PDZRN3: variants seen among roughly 807,000 people sequenced by gnomAD.
The protein encoded by PDZRN3 is E3 ubiquitin-protein ligase PDZRN3.
A neutral mutation model predicts 85.7 loss-of-function variants in PDZRN3; 38 were observed. That is an observed-to-expected ratio of 0.44 (90% CI 0.34 to 0.58). The LOEUF (loss-of-function observed/expected upper bound fraction) is 0.58. Among genes scored for constraint, PDZRN3 ranks in the 20% least tolerant of loss-of-function variants. The pLI, the probability that PDZRN3 is intolerant of heterozygous loss-of-function variation, is 0.01. For synonymous variants in PDZRN3, 759 were observed against 638.0 expected, an observed-to-expected ratio of 1.19 and a Z score of -2.86; for missense variants, 1,629 against 1,506.4, an observed-to-expected ratio of 1.08 and a Z score of -1.35.
At chr3:73,431,359 T>C (rs1702427418) in intron 3 of PDZRN3, among the ~76,000 whole-genome samples, 2 of 152,210 alleles carry the variant, frequency 1.3e-5, no homozygotes, top group South Asian at 2.1e-4. Context: ...ATGGCCCTAA[T>C]GAAGAGCATC....
chr3:73,463,967 T>C (rs752684306), intron 3 of PDZRN3, among the ~76,000 whole-genome samples: 16 of 151,862 alleles, frequency 1.1e-4, no homozygotes, highest in Non-Finnish European at 2.1e-4. Flanking sequence ...AAAAGTGCTA[T>C]GTATTCTTTT....
chr3:73,384,307 G>C lies in PDZRN3; in HGVS notation c.2259C>G (p.Asp753Glu), dbSNP rs774839079. The change falls in exon 10 of 10, where the codon GAC becomes GAG. Residue 753 changes from aspartate to glutamate, a missense_variant. By Grantham distance (45) the Asp-to-Glu change is conservative (BLOSUM62 2). Coordinates refer to ENST00000263666, the MANE Select transcript of PDZRN3 (RefSeq NM_015009.3). ...ITELPEKSDK[D>E]SSSAYNTGES... ...CGCCTGTGTTGTAGGCGCTCGAGCTGTCCTTGTCGGATTTCTCCGGGAGCT... is the reference window on the plus strand; with the variant it reads ...CGCCTGTGTTGTAGGCGCTCGAGCTCTCCTTGTCGGATTTCTCCGGGAGCT... 2 of 1,612,458 alleles carry C rather than the reference G, an allele frequency of 1.2e-6. No individual in the cohort carries two copies. Among genetic ancestry groups the C allele is most frequent in the Non-Finnish European group, 1.7e-6 (2 of 1,179,974 alleles).
chr3:73,406,917 A>G (rs1229843581), intron 3 of PDZRN3, among the ~76,000 whole-genome samples: 1 of 152,220 alleles, frequency 6.6e-6, no homozygotes, highest in Non-Finnish European at 1.5e-5. Flanking sequence ...TACAAACACT[A>G]GAGCAGGCAA....
chr3:73,490,621 T>TG (rs1055745161), intron 3 of PDZRN3, among the ~76,000 whole-genome samples: 1 of 152,200 alleles, frequency 6.6e-6, no homozygotes, highest in African/African-American at 2.4e-5. Context: ...GCAACAAAAA[T>TG]GGGGGGTATG....
intron 3 of PDZRN3, among the ~76,000 whole-genome samples, chr3:73,555,049 G>A (rs559133512): frequency 3.3e-5 from 5 of 152,300 alleles, no homozygotes; most frequent in Admixed American, 3.3e-4. Context: ...TAAGTTGCAG[G>A]GGGGATAGAA....
rs1368788416 is a variant in PDZRN3, at chr3:73,384,925, C to G, written c.1641G>C (p.Lys547Asn). Residue 547 changes from lysine to asparagine, a missense_variant, in exon 10 of 10, where the codon AAG becomes AAC. Transcript: ENST00000263666. ...CTGTGGTCCCACCGTCTTCGTCGTG[C>G]TTCTTCTGCATAAACACAAGAACAA... is the stretch of plus-strand genomic sequence containing the variant. ...QFTASVLQQK[K>N]HDEDGGTTDT... 6.3e-7 allele frequency: 1 copy of G among 1,595,766 alleles called. No homozygotes were observed. The highest frequency in any genetic ancestry group is 8.5e-7 in the Non-Finnish European group (1 of 1,170,038).
At chr3:73,562,643 G>A (rs1701844513) in intron 3 of PDZRN3, among the ~76,000 whole-genome samples, 1 of 152,012 alleles carries the variant, frequency 6.6e-6, no homozygotes, top group Non-Finnish European at 1.5e-5. Flanking sequence ...TAGTGCAAAT[G>A]CTTCTGAAGC....
intron 3 of PDZRN3, among the ~76,000 whole-genome samples, chr3:73,522,966 C>A (rs1012167351): frequency 1.3e-5 from 2 of 152,174 alleles, no homozygotes; most frequent in Non-Finnish European, 2.9e-5. Flanking sequence ...GATGTTCTAG[C>A]CAATGAAATA....
chr3:73,387,065 G>A (rs543760538), intron 8 of PDZRN3, among the ~76,000 whole-genome samples: 1 of 152,174 alleles, frequency 6.6e-6, no homozygotes, highest in Non-Finnish European at 1.5e-5. Flanking sequence ...GGGAAACCCC[G>A]TTTGCTTGGT....
chr3:73,518,598 C>T (rs1232618033), intron 3 of PDZRN3, among the ~76,000 whole-genome samples: 1 of 152,024 alleles, frequency 6.6e-6, no homozygotes, highest in Non-Finnish European at 1.5e-5. Flanking sequence ...GCTGCTATAA[C>T]ATAATACCAT....
chr3:73,575,466 C>T (rs145394388), intron 3 of PDZRN3, among the ~76,000 whole-genome samples: 246 of 152,288 alleles, frequency 1.6e-3, no homozygotes, highest in African/African-American at 3.9e-3. Flanking sequence ...AGAATTTGAT[C>T]AAACACAGTG....
chr3:73,446,634 G>A (rs922277224), intron 3 of PDZRN3, among the ~76,000 whole-genome samples: 2 of 152,144 alleles, frequency 1.3e-5, no homozygotes, highest in Non-Finnish European at 2.9e-5. Context: ...CTCTGTACAA[G>A]GATTCAGTTG....
chr3:73,506,017 C>A (rs898031618), intron 3 of PDZRN3, among the ~76,000 whole-genome samples: 1 of 151,936 alleles, frequency 6.6e-6, no homozygotes, highest in Admixed American at 6.6e-5. Flanking sequence ...AACTCAGGTA[C>A]GGGCAGGTAG....
At chr3:73,569,583 C>T in intron 3 of PDZRN3, 1 of 1,026,564 alleles carries the variant, frequency 9.7e-7, no homozygotes. Context: ...TTGACAGACA[C>T]AGAGGACAGA....
At chr3:73,532,613 C>T (rs896320719) in intron 3 of PDZRN3, among the ~76,000 whole-genome samples, 1 of 152,236 alleles carries the variant, frequency 6.6e-6, no homozygotes. Context: ...TTTCACAGGC[C>T]GACAGCAGCA....
intron 3 of PDZRN3, among the ~76,000 whole-genome samples, chr3:73,448,189 C>A (rs1479099642): frequency 6.6e-6 from 1 of 152,166 alleles, no homozygotes; most frequent in African/African-American, 2.4e-5. Context: ...AATTTCAAAT[C>A]CCAGCTCAGC....
chr3:73,602,816 C>CTCTTATGTGACTCTTATGTGATTATG (rs1702534608), intron 2 of PDZRN3, among the ~76,000 whole-genome samples: 2 of 152,216 alleles, frequency 1.3e-5, no homozygotes, highest in Non-Finnish European at 2.9e-5. Context: ...TTATGCTAGT[C>CTCTTATGTGACTCTTATGTGATTATG]TGACTCTTAT....
chr3:73,428,210 A>C (rs1347737588), intron 3 of PDZRN3, among the ~76,000 whole-genome samples: 2 of 152,138 alleles, frequency 1.3e-5, no homozygotes, highest in Non-Finnish European at 2.9e-5. Context: ...CTGGGGAGCC[A>C]GTGAGCAAGT....
At chr3:73,509,351 C>T (rs1261178112) in intron 3 of PDZRN3, among the ~76,000 whole-genome samples, 1 of 152,188 alleles carries the variant, frequency 6.6e-6, no homozygotes, top group Non-Finnish European at 1.5e-5. Flanking sequence ...AGGACGCAGA[C>T]CCATGCGGTC....
Sources: gnomAD v4.1 joint callset for allele counts (sites outside exome capture counted in the v4.1 genomes callset) on GRCh38, gnomAD v4.1.1 for gene constraint, MANE v1.5 for transcripts, NCBI Gene and HGNC (gene_info 2026-07-23, HGNC 2026-07-21) for gene names.